The following NPIPB11 variants were observed in gnomAD, a reference collection of about 807,000 sequenced individuals.
NPIPB11 encodes nuclear pore complex interacting protein family member B11.
A neutral mutation model predicts 32.8 loss-of-function variants in NPIPB11; 17 were observed. The observed-to-expected ratio is 0.52, with a 90% CI of 0.35 to 0.78. NPIPB11 has a LOEUF of 0.78. Among genes scored for constraint, NPIPB11 ranks in the 30% least tolerant of loss-of-function variants. The pLI, the probability that NPIPB11 is intolerant of heterozygous loss-of-function variation, is 0.01. For missense variants in NPIPB11, 537 were observed against 1,000.4 expected, an observed-to-expected ratio of 0.54 and a Z score of 6.25; for synonymous variants, 209 against 398.4, an observed-to-expected ratio of 0.52 and a Z score of 5.66.
upstream of NPIPB11, among the ~76,000 whole-genome samples, chr16:29,406,678 C>A (rs1334846743): frequency 6.6e-6 from 1 of 151,850 alleles, no homozygotes; most frequent in Non-Finnish European, 1.5e-5. Flanking sequence ...CATGCCACTG[C>A]ACTCCCGCCT....
chr16:29,397,652 C>T (rs1167680516), intron 2 of NPIPB11: 44 of 1,395,546 alleles, frequency 3.2e-5, no homozygotes, highest in African/African-American at 3.1e-4. Context: ...TGTCCTGGTC[C>T]TTTCAGGGCG....
At position 29,396,763 on chromosome 16, in the gene NPIPB11, A is replaced by T. The variant is rs1222957877; in HGVS notation, c.121-2687T>A. On this transcript the variant is annotated intron_variant, in intron 2 of 7. Coordinates refer to ENST00000524087, the Ensembl canonical transcript of NPIPB11. ...GCAACAAGGGAGAAACTGTCTCAAAAAAATAAATAAATAAATAAAATAATG... is the reference window on the plus strand; with the variant it reads ...GCAACAAGGGAGAAACTGTCTCAAATAAATAAATAAATAAATAAAATAATG... Among the ~76,000 whole-genome samples the T allele has an allele frequency of 7.6e-3, 998 of 131,174 alleles. 1 individual carries two copies. Among genetic ancestry groups the T allele is most frequent in the African/African-American group, 0.016 (588 of 36,560 alleles). 86.1% of individuals were successfully genotyped at this position (131,174 alleles called of 152,430 possible).
chr16:29,402,638 G>A (rs1183997290), intron 2 of NPIPB11, among the ~76,000 whole-genome samples: 1 of 144,472 alleles, frequency 6.9e-6, no homozygotes, highest in Non-Finnish European at 1.5e-5. Flanking sequence ...GGGAGACGGA[G>A]GTTGCAGTGA....
chr16:29,398,791 G>A (rs1200257823), intron 2 of NPIPB11, among the ~76,000 whole-genome samples: 5 of 151,368 alleles, frequency 3.3e-5, no homozygotes, highest in Non-Finnish European at 7.4e-5. Context: ...GCAATAAAAT[G>A]TCTCCCTCTG....
chr16:29,399,180 C>T (rs1181967579), intron 2 of NPIPB11, among the ~76,000 whole-genome samples: 1 of 152,288 alleles, frequency 6.6e-6, no homozygotes, highest in Non-Finnish European at 1.5e-5. Flanking sequence ...ATCACCTTTC[C>T]TGGCCCTGTC....
rs1363586508 is a variant in NPIPB11, at chr16:29,383,828, A to G, written c.1104T>C (p.Asp368=). 4 of 1,276,480 alleles carry G rather than the reference A, an allele frequency of 3.1e-6. No individual in the cohort carries two copies. The South Asian group carries it at 3.6e-5, about 12-fold the overall frequency. 79.1% of individuals were successfully genotyped at this position (1,276,480 alleles called of 1,614,324 possible). A position where few individuals can be genotyped will look rare whatever the true frequency, so the allele number is the denominator to read the frequency against. Residue 368 remains aspartate (D), a synonymous_variant, in exon 8 of 8, where the codon GAT becomes GAC. Coordinates refer to ENST00000524087, the Ensembl canonical transcript of NPIPB11. Reference sequence around the variant, plus strand: ...GACGCTCGGCAGTTGTCTTGATATTATCATCTGCTGAGGGTGGAGCTGAGG... The same window carrying G: ...GACGCTCGGCAGTTGTCTTGATATTGTCATCTGCTGAGGGTGGAGCTGAGG...
At chr16:29,394,401 C>G (rs914806064) in intron 2 of NPIPB11, among the ~76,000 whole-genome samples, 3 of 144,246 alleles carry the variant, frequency 2.1e-5, no homozygotes, top group Non-Finnish European at 4.5e-5. Flanking sequence ...CAAACACTAA[C>G]AATAGCTGAT....
intron 2 of NPIPB11, among the ~76,000 whole-genome samples, chr16:29,396,976 CG>C (rs1382049222): frequency 6.6e-6 from 1 of 151,622 alleles, no homozygotes; most frequent in East Asian, 1.9e-4. Context: ...GGTGAAACCC[CG>C]TCTCTACTAA....
At chr16:29,381,872 A>G in exon 8 of NPIPB11, 2 of 682,230 alleles carry the variant, frequency 2.9e-6, no homozygotes, top group Non-Finnish European at 4.4e-6. Flanking sequence ...TGAGATTATC[A>G]TCCGCTGAGG....
rs1596678289 is a variant in NPIPB11, at chr16:29,394,089, T to C, written c.121-13A>G. Reference sequence around the variant, plus strand: ...GAGTATTGATAACCTGGAATAATAATAGTTGAAATAATGAAAAGGTCAATG... The same window carrying C: ...GAGTATTGATAACCTGGAATAATAACAGTTGAAATAATGAAAAGGTCAATG... On this transcript the variant is annotated splice_polypyrimidine_tract_variant and intron_variant, in intron 2 of 7. Coordinates refer to ENST00000524087, the Ensembl canonical transcript of NPIPB11. 2 of 1,594,584 alleles carry C rather than the reference T, an allele frequency of 1.3e-6. No homozygotes were observed. The highest frequency in any genetic ancestry group is 1.1e-5 in the South Asian group (1 of 90,118).
intron 2 of NPIPB11, among the ~76,000 whole-genome samples, chr16:29,394,477 C>A (rs1874680202): frequency 6.6e-6 from 1 of 151,028 alleles, no homozygotes; most frequent in African/African-American, 2.4e-5. Context: ...CTCAGTCGCC[C>A]AGGCTGGAGT....
chr16:29,389,087 C>T (rs1033193655), intron 5 of NPIPB11, among the ~76,000 whole-genome samples: 2 of 150,802 alleles, frequency 1.3e-5, no homozygotes, highest in Non-Finnish European at 2.9e-5. Flanking sequence ...CCCAGCTACT[C>T]AAGAGGCTGA....
chr16:29,389,175 A>G (rs1963644084), intron 5 of NPIPB11, among the ~76,000 whole-genome samples: 1 of 143,054 alleles, frequency 7.0e-6, no homozygotes, highest in South Asian at 2.3e-4. Context: ...AGCCTGGGTG[A>G]CAGAGTGAGA....
At position 29,397,650 on chromosome 16, in the gene NPIPB11, T is replaced by A. The variant is rs937151895; in HGVS notation, c.121-3574A>T. 2.1e-6 allele frequency: 3 copies of A among 1,404,032 alleles called. 1 individual carries two copies. The highest frequency in any genetic ancestry group is 2.9e-6 in the Non-Finnish European group (3 of 1,025,522). The allele number at this position is 1,404,032 out of a possible 1,614,324, so 87.0% of individuals were successfully genotyped here. A position where few individuals can be genotyped will look rare whatever the true frequency, so the allele number is the denominator to read the frequency against. ...CATCCACCGCCCCCGCATGTCCTGG[T>A]CCTTTCAGGGCGCCCTGAGGCGTCC... is the stretch of plus-strand genomic sequence containing the variant. On this transcript the variant is annotated intron_variant, in intron 2 of 7. Transcript: ENST00000524087.
chr16:29,406,241 A>T (rs1964110174), upstream of NPIPB11, among the ~76,000 whole-genome samples: 1 of 152,252 alleles, frequency 6.6e-6, no homozygotes, highest in South Asian at 2.1e-4. Context: ...GCATTGTCAA[A>T]TGTGGCGATA....
At chr16:29,399,732 G>T (rs574255717) in intron 2 of NPIPB11, among the ~76,000 whole-genome samples, 3 of 151,740 alleles carry the variant, frequency 2.0e-5, no homozygotes, top group African/African-American at 7.3e-5. Flanking sequence ...ACAAAAAACA[G>T]GGTTAACAAA....
At chr16:29,405,556 T>G (rs547586175), upstream of NPIPB11, among the ~76,000 whole-genome samples, 4 of 152,314 alleles carry the variant, frequency 2.6e-5, no homozygotes, top group South Asian at 2.1e-4. Context: ...AGTTAGTTGT[T>G]TTTCCTTTAA....
intron 2 of NPIPB11, among the ~76,000 whole-genome samples, chr16:29,397,015 G>A (rs1031952551): frequency 9.3e-5 from 14 of 151,202 alleles, no homozygotes; most frequent in South Asian, 2.2e-4. Context: ...AGGCGTGGTG[G>A]TCTACTAAAA....
chr16:29,381,348 G>GT, downstream of NPIPB11: 2 of 483,604 alleles, frequency 4.1e-6, no homozygotes, highest in Non-Finnish European at 6.9e-6. Context: ...TTCTTTGTTA[G>GT]TTTTTGGAGT....
Sources: allele counts gnomAD v4.1 joint callset (sites outside exome capture counted in the v4.1 genomes callset), GRCh38; gene constraint gnomAD v4.1.1; transcripts MANE v1.5; gene names NCBI Gene and HGNC (gene_info 2026-07-23, HGNC 2026-07-21).